The following STK24 variants were observed in gnomAD, a reference collection of about 807,000 sequenced individuals.
The protein encoded by STK24 is serine/threonine-protein kinase 24.
STK24 carries 21 observed loss-of-function variants against 55.6 expected under a neutral mutation model. The observed-to-expected ratio is 0.38, with a 90% confidence interval of 0.27 to 0.54. The LOEUF (loss-of-function observed/expected upper bound fraction) is 0.54. Ranked by LOEUF, STK24 falls within the 20% of genes least tolerant of loss-of-function variation. The pLI, the probability that STK24 is intolerant of heterozygous loss-of-function variation, is 0.79. For missense variants in STK24, 383 were observed against 538.4 expected (o/e 0.71, Z 2.86); for synonymous variants, 200 against 215.2 (o/e 0.93, Z 0.62).
Position 98,445,954 on chromosome 13 carries a change from A to C in STK24, c.*7219T>G. The C allele has an allele frequency of 3.3e-6, 2 of 601,790 alleles. No individual in the cohort carries two copies. The highest frequency in any genetic ancestry group is 6.0e-6 in the Non-Finnish European group (2 of 334,376). The allele number at this position is 601,790 out of a possible 1,614,324, so 37.3% of individuals were successfully genotyped here. A position where few individuals can be genotyped will look rare whatever the true frequency, so the allele number is the denominator to read the frequency against. Reference sequence around the variant, plus strand: ...GTCCCAGGACCTGCCAAGTCTCCCCACACACGGGGGAGCGGGGGTGGGGCC... The same window carrying C: ...GTCCCAGGACCTGCCAAGTCTCCCCCCACACGGGGGAGCGGGGGTGGGGCC... On this transcript the variant is annotated 3_prime_UTR_variant, in exon 11 of 11. Transcript: ENST00000539966.
chr13:98,555,029 A>AG (rs1566402842), intron 1 of STK24, among the ~76,000 whole-genome samples: 22 of 151,472 alleles, frequency 1.5e-4, no homozygotes, highest in Admixed American at 1.3e-3. Context: ...AAAAAAAAAA[A>AG]AAAAAGAAAG....
chr13:98,457,432 G>C (rs1243627779), intron 9 of STK24, 128 bp from the exon 10 acceptor site: 12 of 1,248,666 alleles, frequency 9.6e-6, no homozygotes, highest in Non-Finnish European at 1.3e-5. Context: ...TCCGGGAAAA[G>C]CTTTGGCTAG....
At position 98,526,068 on chromosome 13, in the gene STK24, T is replaced by C. The variant is rs566040819; in HGVS notation, c.43-6595A>G. Reference sequence around the variant, plus strand: ...GGAAAGCTGAGCGGGTGAGGGATGGTGGCTGGAGTGCGGTGGAGGGAGGAG... The same window carrying C: ...GGAAAGCTGAGCGGGTGAGGGATGGCGGCTGGAGTGCGGTGGAGGGAGGAG... On this transcript the variant is annotated intron_variant, in intron 1 of 10. Transcript: ENST00000539966. 9.1e-4 allele frequency among the ~76,000 whole-genome samples: 138 copies of C among 152,290 alleles called. 1 individual carries two copies. The highest frequency in any genetic ancestry group is 2.9e-3 in the African/African-American group (120 of 41,564).
At chr13:98,488,289 C>T (rs1894885032) in intron 2 of STK24, among the ~76,000 whole-genome samples, 1 of 152,088 alleles carries the variant, frequency 6.6e-6, no homozygotes, top group East Asian at 1.9e-4. Flanking sequence ...ACCCTACCAA[C>T]ATCTTTCCAG....
In STK24 at chr13:98,517,324, C is replaced by T. The variant is rs530718759; in HGVS notation, c.273+1919G>A. On this transcript the variant is annotated intron_variant, in intron 2 of 10. Coordinates refer to ENST00000539966, the MANE Select transcript of STK24 (RefSeq NM_001032296.4). ...CTGAGTTTCTTTAGCTGTTTGTTTT[C>T]AATCGAAATTTAACATCGAGGCCAG... Among the ~76,000 whole-genome samples, 79 of 152,290 alleles carry T rather than the reference C, an allele frequency of 5.2e-4. 1 individual carries two copies. Among genetic ancestry groups the T allele is most frequent in the African/African-American group, 1.8e-3 (76 of 41,562 alleles).
chr13:98,547,330 T>G (rs529325408), intron 1 of STK24, among the ~76,000 whole-genome samples: 1 of 152,288 alleles, frequency 6.6e-6, no homozygotes, highest in East Asian at 1.9e-4. Context: ...GAGAATCGTT[T>G]GAGGCCAGGA....
chr13:98,530,107 ACACACACACG>A (rs372970316), intron 1 of STK24, among the ~76,000 whole-genome samples: 110 of 36,720 alleles, frequency 3.0e-3, no homozygotes, highest in African/African-American at 0.011. Context: ...ACAGATATAC[ACACACACACG>A]CACACACACA....
intron 1 of STK24, among the ~76,000 whole-genome samples, chr13:98,525,949 A>G (rs1896414650): frequency 6.6e-6 from 1 of 152,136 alleles, no homozygotes; most frequent in Non-Finnish European, 1.5e-5. Context: ...TAACAGCCCA[A>G]CTTCCCCTTC....
At chr13:98,497,078 C>T (rs940268675) in intron 2 of STK24, among the ~76,000 whole-genome samples, 7 of 152,196 alleles carry the variant, frequency 4.6e-5, no homozygotes, top group African/African-American at 1.7e-4. Flanking sequence ...TGCCCAGCAG[C>T]CCCAGGGACA....
intron 1 of STK24, among the ~76,000 whole-genome samples, chr13:98,548,241 A>C (rs776181172): frequency 1.3e-5 from 2 of 152,232 alleles, no homozygotes; most frequent in Non-Finnish European, 2.9e-5. Context: ...GGGCTAAAAT[A>C]AGACAATTTT....
chr13:98,459,871 G>T lies in STK24; in HGVS notation c.1122+501C>A, dbSNP rs3783004. ...AATCTCTCAAAACACGGCCACGGGA[G>T]CACTTTCCTCTGGGAGGGAGAGGCT... On this transcript the variant is annotated intron_variant, in intron 9 of 10. Coordinates refer to ENST00000539966, the MANE Select transcript of STK24 (RefSeq NM_001032296.4). 1.9e-3 allele frequency among the ~76,000 whole-genome samples: 296 copies of T among 152,328 alleles called. 6 individuals carry two copies. The highest frequency in any genetic ancestry group is 0.017 in the South Asian group (83 of 4,826).
At chr13:98,544,314 A>T (rs1286223782) in intron 1 of STK24, among the ~76,000 whole-genome samples, 1 of 152,182 alleles carries the variant, frequency 6.6e-6, no homozygotes, top group East Asian at 1.9e-4. Flanking sequence ...CCAACTGCAG[A>T]CACAGAAGTC....
rs2139477509 is a variant in STK24 at position 98,576,116 on chromosome 13, T to G, written c.42+629A>C. On this transcript the variant is annotated intron_variant, in intron 1 of 10. Coordinates refer to ENST00000539966, the MANE Select transcript of STK24 (RefSeq NM_001032296.4). ...CGCGGCTGTCCGAGGGATTCCTCCT[T>G]CCAGAAGGTTTGCAACTCGCACTTT... The G allele has an allele frequency of 3.0e-6, 3 of 984,860 alleles. No homozygotes were observed. In the South Asian group the frequency reaches 1.4e-4, roughly 46 times the overall value. 61.0% of individuals were successfully genotyped at this position (984,860 alleles called of 1,614,324 possible). A position where few individuals can be genotyped will look rare whatever the true frequency, so the allele number is the denominator to read the frequency against.
At chr13:98,570,521 C>A (rs747113692) in intron 1 of STK24, among the ~76,000 whole-genome samples, 2 of 152,190 alleles carry the variant, frequency 1.3e-5, no homozygotes, top group Non-Finnish European at 2.9e-5. Context: ...AATGTTCCCA[C>A]AATGTATTCA....
At chr13:98,460,061 G>A (rs573291239) in intron 9 of STK24, among the ~76,000 whole-genome samples, 2 of 152,358 alleles carry the variant, frequency 1.3e-5, no homozygotes, top group African/African-American at 4.8e-5. Context: ...AAATTGGTCT[G>A]AGGCAAAGAG....
At chr13:98,554,402 T>C (rs1897235757) in intron 1 of STK24, among the ~76,000 whole-genome samples, 1 of 152,228 alleles carries the variant, frequency 6.6e-6, no homozygotes, top group Non-Finnish European at 1.5e-5. Flanking sequence ...CGCTCCAATG[T>C]AACCTGCCAA....
At chr13:98,476,556 T>G (rs558038124) in intron 3 of STK24, among the ~76,000 whole-genome samples, 47 of 152,348 alleles carry the variant, frequency 3.1e-4, no homozygotes, top group African/African-American at 1.1e-3. Flanking sequence ...AGGGCGCTCC[T>G]CCACAGGAAG....
At chr13:98,466,273 G>A (rs1893923179) in intron 6 of STK24, 103 bp downstream of exon 6, 2 of 1,152,136 alleles carry the variant, frequency 1.7e-6, no homozygotes, top group Non-Finnish European at 2.3e-6. Context: ...AATAATACCA[G>A]GAAGACAGCT....
chr13:98,465,058 C>G (rs1367153840), intron 6 of STK24, among the ~76,000 whole-genome samples: 1 of 152,158 alleles, frequency 6.6e-6, no homozygotes, highest in East Asian at 1.9e-4. Context: ...CAAGCAGCAC[C>G]TGGTCAGCTG....
Sources: gnomAD v4.1 joint callset for allele counts (sites outside exome capture counted in the v4.1 genomes callset) on GRCh38, gnomAD v4.1.1 for gene constraint, MANE v1.5 for transcripts, NCBI Gene and HGNC (gene_info 2026-07-23, HGNC 2026-07-21) for gene names.